The following SLC38A12 variants were observed in gnomAD, a reference collection of about 807,000 sequenced individuals.
SLC38A12 encodes the protein solute carrier family 38 member 12.
chr17:74,823,380 T>C, the SLC38A12 span, among the ~76,000 whole-genome samples: 1 of 152,242 alleles, frequency 6.6e-6, no homozygotes, highest in Admixed American at 6.5e-5. Context: ...GCCCTGGAGC[T>C]GTGCTGAGGA....
chr17:74,811,429 G>C, the SLC38A12 span, among the ~76,000 whole-genome samples: 1 of 152,184 alleles, frequency 6.6e-6, no homozygotes, highest in Middle Eastern at 3.4e-3. Context: ...ATAGTACTGG[G>C]GGCCAGGCTG....
At chr17:74,778,992 C>G in the SLC38A12 span, among the ~76,000 whole-genome samples, 1 of 152,084 alleles carries the variant, frequency 6.6e-6, no homozygotes, top group African/African-American at 2.4e-5. Context: ...TTTCATGAAC[C>G]CTGGAATGGA....
chr17:74,838,815 C>T, the SLC38A12 span: 109 of 1,513,454 alleles, frequency 7.2e-5, no homozygotes, highest in Non-Finnish European at 8.9e-5. Context: ...CACGTGCATC[C>T]GGCACGTTTC....
chr17:74,782,498 G>A, the SLC38A12 span, among the ~76,000 whole-genome samples: 7,341 of 152,300 alleles, frequency 0.048, 209 homozygotes, highest in African/African-American at 0.06. Flanking sequence ...GAAGGCTCTT[G>A]TTGGTTTTTG....
the SLC38A12 span, among the ~76,000 whole-genome samples, chr17:74,796,514 T>G: frequency 6.6e-6 from 1 of 152,192 alleles, no homozygotes; most frequent in African/African-American, 2.4e-5. Context: ...GCAGGCTATT[T>G]GGGGCTGGAT....
the SLC38A12 span, chr17:74,785,722 G>A: frequency 5.9e-4 from 795 of 1,337,670 alleles, 5 homozygotes; most frequent in African/African-American, 9.9e-3. Flanking sequence ...ACCCCGTATC[G>A]AGCTCAGTGA....
chr17:74,832,363 C>T, the SLC38A12 span, among the ~76,000 whole-genome samples: 1 of 152,226 alleles, frequency 6.6e-6, no homozygotes, highest in Admixed American at 6.5e-5. Context: ...CACCCGCCTT[C>T]ATATCCTCAT....
the SLC38A12 span, among the ~76,000 whole-genome samples, chr17:74,822,619 C>T: frequency 2.6e-5 from 4 of 152,224 alleles, no homozygotes; most frequent in African/African-American, 7.2e-5. Context: ...GGGGCGACAG[C>T]AAAGGCAGTG....
the SLC38A12 span, among the ~76,000 whole-genome samples, chr17:74,812,147 G>A: frequency 6.6e-6 from 1 of 151,998 alleles, no homozygotes; most frequent in South Asian, 2.1e-4. Flanking sequence ...ATGACTTGGT[G>A]TGTGCTGACA....
chr17:74,821,483 T>C, the SLC38A12 span, among the ~76,000 whole-genome samples: 13 of 152,280 alleles, frequency 8.5e-5, no homozygotes, highest in African/African-American at 2.6e-4. Flanking sequence ...ACTTAGAACC[T>C]GGGGATCCCA....
the SLC38A12 span, chr17:74,838,794 TGCTG>T: frequency 4.7e-6 from 7 of 1,494,962 alleles, no homozygotes; most frequent in Non-Finnish European, 6.2e-6. Context: ...CCCCAGGTGA[TGCTG>T]GCTCTCCACG....
the SLC38A12 span, chr17:74,776,582 TGGGTCGGGTC>T: frequency 1.1e-5 from 1 of 91,456 alleles, no homozygotes; most frequent in Non-Finnish European, 2.2e-5. Flanking sequence ...CTGCAGGTGT[TGGGTCGGGTC>T]GGGTCGGGAC....
chr17:74,788,136 C>G, the SLC38A12 span, among the ~76,000 whole-genome samples: 1 of 152,214 alleles, frequency 6.6e-6, no homozygotes, highest in African/African-American at 2.4e-5. Flanking sequence ...TTTTTCCAAT[C>G]TAGTCTGACT....
the SLC38A12 span, chr17:74,837,684 G>T: frequency 7.1e-6 from 7 of 985,596 alleles, no homozygotes; most frequent in South Asian, 3.3e-4. Flanking sequence ...GGCAATGTGG[G>T]GTTGGATGGG....
At chr17:74,780,976 G>C in the SLC38A12 span, among the ~76,000 whole-genome samples, 2 of 152,196 alleles carry the variant, frequency 1.3e-5, no homozygotes, top group Non-Finnish European at 2.9e-5. Flanking sequence ...GTCAACTAGC[G>C]GTGATCCTGC....
the SLC38A12 span, among the ~76,000 whole-genome samples, chr17:74,780,372 G>A: frequency 0.063 from 9,518 of 152,270 alleles, 357 homozygotes; most frequent in Non-Finnish European, 0.084. Flanking sequence ...CAGGCCAGCC[G>A]TCCCAGGGAG....
the SLC38A12 span, among the ~76,000 whole-genome samples, chr17:74,807,105 AC>A: frequency 1.6e-5 from 2 of 126,230 alleles, no homozygotes; most frequent in East Asian, 2.5e-4. Context: ...TCCCCCAGAC[AC>A]CCCCCCACCC....
the SLC38A12 span, among the ~76,000 whole-genome samples, chr17:74,808,139 G>T: frequency 5.9e-5 from 9 of 152,268 alleles, no homozygotes; most frequent in African/African-American, 1.9e-4. Context: ...AGCCCACACA[G>T]GCAGGCAGCT....
At chr17:74,800,582 C>T in the SLC38A12 span, among the ~76,000 whole-genome samples, 1 of 152,216 alleles carries the variant, frequency 6.6e-6, no homozygotes, top group Non-Finnish European at 1.5e-5. Context: ...GGCTTAGAGG[C>T]CTTCAGGACC....
Sources: allele counts gnomAD v4.1 joint callset (sites outside exome capture counted in the v4.1 genomes callset), GRCh38; gene constraint gnomAD v4.1.1; transcripts MANE v1.5; gene names NCBI Gene and HGNC (gene_info 2026-07-23, HGNC 2026-07-21).